The following CMPK1 variants were observed in gnomAD, a reference collection of about 807,000 sequenced individuals.
The protein encoded by CMPK1 is UMP-CMP kinase.
CMPK1 carries 10 observed loss-of-function variants against 25.7 expected under a neutral mutation model. The observed-to-expected ratio is 0.39, with a 90% CI of 0.24 to 0.66. The LOEUF (loss-of-function observed/expected upper bound fraction) is 0.66. Ranked by LOEUF, CMPK1 falls within the 30% of genes least tolerant of loss-of-function variation. The pLI, the probability that CMPK1 is intolerant of heterozygous loss-of-function variation, is 0.48. For synonymous variants in CMPK1, 106 were observed against 101.5 expected (o/e 1.04, Z -0.27); for missense variants, 199 against 280.5 (o/e 0.71, Z 2.08).
intron 2 of CMPK1, among the ~76,000 whole-genome samples, chr1:47,369,496 TTC>T (rs1279691322): frequency 2.6e-5 from 4 of 152,294 alleles, no homozygotes; most frequent in Non-Finnish European, 5.9e-5. Flanking sequence ...CAGACAGTTA[TTC>T]TCTTCCATTT....
intron 1 of CMPK1, among the ~76,000 whole-genome samples, chr1:47,346,043 CTTTT>C (rs1557803620): frequency 6.6e-6 from 1 of 150,596 alleles, no homozygotes; most frequent in African/African-American, 2.4e-5. Flanking sequence ...AATGCCTGGC[CTTTT>C]TTTTGTTTTG....
intron 1 of CMPK1, among the ~76,000 whole-genome samples, chr1:47,363,145 G>A (rs1477084821): frequency 6.6e-6 from 1 of 152,162 alleles, no homozygotes; most frequent in Admixed American, 6.6e-5. Flanking sequence ...AGTTGAAAAT[G>A]TAGTAAGTCA....
rs544931383 is a variant in CMPK1 at position 47,351,236 on chromosome 1, C to T, written c.171+17120C>T. ...CTGGGACTACAAGCACATGCCACCACGCCTGGCTAAATTTTTGTATTTTTA... is the reference window on the plus strand; with the variant it reads ...CTGGGACTACAAGCACATGCCACCATGCCTGGCTAAATTTTTGTATTTTTA... On this transcript the variant is annotated intron_variant, in intron 1 of 5. Transcript: ENST00000371873. Among the ~76,000 whole-genome samples the T allele has an allele frequency of 3.2e-4, 48 of 152,118 alleles. 1 individual carries two copies. The highest frequency in any genetic ancestry group is 6.2e-4 in the South Asian group (3 of 4,808).
At chr1:47,365,010 C>T (rs1427094404) in intron 1 of CMPK1, among the ~76,000 whole-genome samples, 1 of 152,134 alleles carries the variant, frequency 6.6e-6, no homozygotes, top group Non-Finnish European at 1.5e-5. Context: ...ATCCTCTCAC[C>T]TTGGCTTCCC....
In CMPK1 at chr1:47,377,940, A is replaced by AC. The variant is rs1646718271; in HGVS notation, c.*1196dup. 1.3e-5 allele frequency: 2 copies of AC among 152,526 alleles called. No individual in the cohort carries two copies. 9.4% of individuals were successfully genotyped at this position (152,526 alleles called of 1,614,324 possible). A position where few individuals can be genotyped will look rare whatever the true frequency, so the allele number is the denominator to read the frequency against. The stretch of plus-strand genomic sequence containing the variant: ...TCTCTGAGGAATTTGTTTTCGCCTT[A>AC]CTTTTTTTTCTTCTGTCACAATGCT... On this transcript the variant is annotated 3_prime_UTR_variant, in exon 6 of 6. Transcript: ENST00000371873.
chr1:47,353,297 T>C (rs1646535389), intron 1 of CMPK1, among the ~76,000 whole-genome samples: 1 of 152,348 alleles, frequency 6.6e-6, no homozygotes, highest in African/African-American at 2.4e-5. Flanking sequence ...CTCAACTGAG[T>C]ATGTCTCTAA....
intron 2 of CMPK1, 44 bp from the exon 3 acceptor site, chr1:47,372,910 AT>A: frequency 6.5e-7 from 1 of 1,529,084 alleles, no homozygotes. Context: ...GAGAAATTTC[AT>A]TTTGTTAATG....
chr1:47,350,726 C>G lies in CMPK1; in HGVS notation c.171+16610C>G, dbSNP rs140432155. Among the ~76,000 whole-genome samples the G allele has an allele frequency of 2.3e-3, 342 of 151,944 alleles. 1 individual carries two copies. Among genetic ancestry groups the G allele is most frequent in the African/African-American group, 7.8e-3 (323 of 41,462 alleles). ...TGATCAACATGGTGAAACACCGTCTCTACTAAAAATGCAAAAAAAGAAAAG... is the reference window on the plus strand; with the variant it reads ...TGATCAACATGGTGAAACACCGTCTGTACTAAAAATGCAAAAAAAGAAAAG... On this transcript the variant is annotated intron_variant, in intron 1 of 5. Transcript: ENST00000371873.
At chr1:47,372,409 T>C (rs546848195) in intron 2 of CMPK1, among the ~76,000 whole-genome samples, 1 of 152,338 alleles carries the variant, frequency 6.6e-6, no homozygotes, top group East Asian at 1.9e-4. Flanking sequence ...ATGCTAATGG[T>C]CTTTTATATT....
intron 1 of CMPK1, among the ~76,000 whole-genome samples, chr1:47,364,410 C>T (rs982185329): frequency 8.6e-5 from 13 of 151,398 alleles, no homozygotes; most frequent in South Asian, 4.2e-4. Flanking sequence ...CTCCGCCTCC[C>T]GGGTTCACGC....
At position 47,374,912 on chromosome 1, in the gene CMPK1, T is replaced by C; in HGVS notation, c.475T>C (p.Cys159Arg). ...ATAACTTTGTATCTCTTTTTAGATTTGTATTGAACGATGTCTTGAGAGGGG... is the reference window on the plus strand; with the variant it reads ...ATAACTTTGTATCTCTTTTTAGATTCGTATTGAACGATGTCTTGAGAGGGG... The part of the protein sequence containing the change: ...VLFFDCNNEI[C>R]IERCLERGKS... The change falls in exon 4 of 6, where the codon TGT becomes CGT. Residue 159 changes from cysteine (C) to arginine (R), a missense_variant. Physicochemically the swap from Cys to Arg is radical, Grantham distance 180 (BLOSUM62 -3). Around this residue, in one of 2 missense-constraint regions of CMPK1, gnomAD observed 140 missense variants for 235.5 expected, o/e 0.59. Transcript: ENST00000371873. 1 of 1,607,052 alleles carries C rather than the reference T, an allele frequency of 6.2e-7. No individual in the cohort carries two copies. Among genetic ancestry groups the C allele is most frequent in the East Asian group, 2.2e-5 (1 of 44,826 alleles).
chr1:47,366,867 G>A (rs1481872276), intron 1 of CMPK1, among the ~76,000 whole-genome samples: 1 of 152,124 alleles, frequency 6.6e-6, no homozygotes, highest in Admixed American at 6.5e-5. Flanking sequence ...TGGGATTACA[G>A]GCACCTGCAA....
intron 1 of CMPK1, among the ~76,000 whole-genome samples, chr1:47,366,566 A>G (rs1246149603): frequency 6.6e-6 from 1 of 152,222 alleles, no homozygotes; most frequent in Admixed American, 6.5e-5. Context: ...AAAATATAGT[A>G]TAAAAAACTG....
At chr1:47,343,877 A>C (rs1347527553) in intron 1 of CMPK1, among the ~76,000 whole-genome samples, 2 of 148,980 alleles carry the variant, frequency 1.3e-5, no homozygotes, top group African/African-American at 2.5e-5. Flanking sequence ...ACAGAGAGAG[A>C]CTCCGTCTCA....
intron 1 of CMPK1, among the ~76,000 whole-genome samples, chr1:47,349,357 C>G (rs575830621): frequency 2.0e-5 from 3 of 152,294 alleles, no homozygotes; most frequent in African/African-American, 7.2e-5. Context: ...TTTCCAGTAA[C>G]TGGCAAGTCA....
At chr1:47,365,271 C>CT (rs34324996) in intron 1 of CMPK1, among the ~76,000 whole-genome samples, 63,647 of 136,984 alleles carry the variant, frequency 0.46, 15,565 homozygotes, top group East Asian at 0.92. Flanking sequence ...CCCTGAAGAT[C>CT]TTTTTTTTTT....
intron 1 of CMPK1, among the ~76,000 whole-genome samples, chr1:47,336,706 T>G (rs1476306647): frequency 6.6e-6 from 1 of 152,138 alleles, no homozygotes; most frequent in East Asian, 1.9e-4. Flanking sequence ...TTCAGGTTTT[T>G]GTAGAAACCA....
chr1:47,347,713 T>C (rs976957848), intron 1 of CMPK1, among the ~76,000 whole-genome samples: 1 of 151,888 alleles, frequency 6.6e-6, no homozygotes, highest in Non-Finnish European at 1.5e-5. Context: ...GCAACCTGTG[T>C]CTCCCAGGTT....
At chr1:47,350,310 C>T (rs1405236173) in intron 1 of CMPK1, among the ~76,000 whole-genome samples, 7 of 152,162 alleles carry the variant, frequency 4.6e-5, no homozygotes, top group Middle Eastern at 3.4e-3. Flanking sequence ...GATCATGGCT[C>T]ATTGAAGCCT....
Sources: gnomAD v4.1 joint callset for allele counts (sites outside exome capture counted in the v4.1 genomes callset) on GRCh38, gnomAD v4.1.1 for gene constraint, gnomAD v4.1.1 regional missense constraint, MANE v1.5 for transcripts, NCBI Gene and HGNC (gene_info 2026-07-23, HGNC 2026-07-21) for gene names.